Variants in ANGPTL2 observed in about 807,000 individuals in gnomAD.
ANGPTL2 encodes angiopoietin-related protein 2.
In ANGPTL2, 25 loss-of-function variants were observed where a neutral mutation model predicts 52.8. The observed-to-expected ratio is 0.47, with a 90% CI of 0.35 to 0.66. The LOEUF is 0.66. Ranked by LOEUF, ANGPTL2 falls within the 30% of genes least tolerant of loss-of-function variation. ANGPTL2 has a pLI of 0.01. For missense variants in ANGPTL2, 546 were observed against 656.9 expected (o/e 0.83, Z 1.84); for synonymous variants, 276 against 277.4 (o/e 1.00, Z 0.05).
In ANGPTL2 at chr9:127,088,852, G is replaced by T; in HGVS notation, c.*87C>A. The T allele has an allele frequency of 6.8e-7, 1 of 1,472,572 alleles. No individual in the cohort carries two copies. The highest frequency in any genetic ancestry group is 9.5e-7 in the Non-Finnish European group (1 of 1,056,708). 91.2% of individuals were successfully genotyped at this position (1,472,572 alleles called of 1,614,324 possible). A position where few individuals can be genotyped will look rare whatever the true frequency, so the allele number is the denominator to read the frequency against. ...GGTCCTCCCAGCCTCAGGATGAACT[G>T]GTGAGGAGTTGTTCTTTGTGCTGTG... On this transcript the variant is annotated 3_prime_UTR_variant, in exon 5 of 5. Coordinates refer to ENST00000373425, the MANE Select transcript of ANGPTL2 (RefSeq NM_012098.3).
intron 2 of ANGPTL2, among the ~76,000 whole-genome samples, chr9:127,105,611 G>A (rs572622533): frequency 2.6e-5 from 4 of 152,186 alleles, no homozygotes; most frequent in Non-Finnish European, 4.4e-5. Flanking sequence ...AGGGCACTTA[G>A]CACACCAGGG....
At chr9:127,092,838 G>A (rs2052643934) in intron 3 of ANGPTL2, among the ~76,000 whole-genome samples, 1 of 152,072 alleles carries the variant, frequency 6.6e-6, no homozygotes, top group Non-Finnish European at 1.5e-5. Context: ...CAGGAGGTGG[G>A]GTGGGGGACA....
chr9:127,090,419 C>T (rs571473160), intron 4 of ANGPTL2, among the ~76,000 whole-genome samples: 1 of 152,358 alleles, frequency 6.6e-6, no homozygotes, highest in East Asian at 1.9e-4. Flanking sequence ...GAATGAGGGC[C>T]TGTTCCTCTT....
rs12554810 is a variant in ANGPTL2, at chr9:127,087,796, C to T, written c.*1143G>A. 2,751 of 152,306 alleles carry T rather than the reference C, an allele frequency of 0.018. 41 individuals are homozygous for T. Among genetic ancestry groups the T allele is most frequent in the Non-Finnish European group, 0.03 (2,071 of 68,020 alleles). 9.4% of individuals were successfully genotyped at this position (152,306 alleles called of 1,614,324 possible). A position where few individuals can be genotyped will look rare whatever the true frequency, so the allele number is the denominator to read the frequency against. On this transcript the variant is annotated 3_prime_UTR_variant, in exon 5 of 5. Transcript: ENST00000373425. ...ATGCGGACTCTAGTCAGCCTGAGAG[C>T]GTGGAATCTCTGGTCTGTAGCCATC... is the stretch of plus-strand genomic sequence containing the variant.
chr9:127,101,473 T>C (rs1401486510), intron 2 of ANGPTL2, among the ~76,000 whole-genome samples: 1 of 152,168 alleles, frequency 6.6e-6, no homozygotes, highest in Non-Finnish European at 1.5e-5. Context: ...CCTCCCTCCA[T>C]CCTTCAATCC....
rs114567407 is a variant in ANGPTL2 at position 127,114,693 on chromosome 9, G to A, written c.-49-5913C>T. On this transcript the variant is annotated intron_variant, in intron 1 of 4. Coordinates refer to ENST00000373425, the MANE Select transcript of ANGPTL2 (RefSeq NM_012098.3). ...TGATCACAGATGAAGGCCAATAATG[G>A]GTCCACGCCATAAGAGGCATCCCAG... Among the ~76,000 whole-genome samples, 1,125 of 152,332 alleles carry A rather than the reference G, an allele frequency of 7.4e-3. 12 individuals carry two copies. The highest frequency in any genetic ancestry group is 0.025 in the African/African-American group (1,059 of 41,570).
In ANGPTL2 at chr9:127,108,719, A is replaced by G; in HGVS notation, c.13T>C (p.Cys5Arg). Reference sequence around the variant, plus strand: ...AGTCCGAGCCACCAGCATGTCACGCACAGTGGCCTCATGGTCCTTGCAAAA... The same window carrying G: ...AGTCCGAGCCACCAGCATGTCACGCGCAGTGGCCTCATGGTCCTTGCAAAA... MRPL[C>R]VTCWWLGLLA... Residue 5 changes from cysteine to arginine, a missense_variant, in exon 2 of 5, where the codon TGC becomes CGC. Cys to Arg is a radical substitution (Grantham distance 180). This residue lies in a region of ANGPTL2 where 285 missense variants were observed against 295.8 expected (regional missense o/e 0.96). Coordinates refer to ENST00000373425, the MANE Select transcript of ANGPTL2 (RefSeq NM_012098.3). 6.2e-7 allele frequency: 1 copy of G among 1,607,480 alleles called. No individual in the cohort carries two copies. Among genetic ancestry groups the G allele is most frequent in the Non-Finnish European group, 8.5e-7 (1 of 1,175,544 alleles).
At chr9:127,106,506 A>G (rs1218578667) in intron 2 of ANGPTL2, among the ~76,000 whole-genome samples, 1 of 152,230 alleles carries the variant, frequency 6.6e-6, no homozygotes, top group African/African-American at 2.4e-5. Flanking sequence ...GACAGGCACT[A>G]TTTTAATCTA....
intron 3 of ANGPTL2, among the ~76,000 whole-genome samples, chr9:127,093,034 C>T (rs905540437): frequency 2.0e-5 from 3 of 152,096 alleles, no homozygotes; most frequent in African/African-American, 7.2e-5. Context: ...CATAACAGAA[C>T]CTCCCTCAGG....
rs749404884 is a variant in ANGPTL2, at chr9:127,091,929, C to T, written c.1023G>A (p.Gly341=). Residue 341 remains glycine, a synonymous_variant, in exon 4 of 5, where the codon GGG becomes GGA. Coordinates refer to ENST00000373425, the MANE Select transcript of ANGPTL2 (RefSeq NM_012098.3). This position sits in a 1 kb window ranked among gnomAD's most constrained non-coding sequence, Gnocchi z 4.3. Reference sequence around the variant, plus strand: ...CCAGCCAGTATTCGCCGTCAATGTTCCCAAACCCTTGCTGGGGAAAACCCA... The same window carrying T: ...CCAGCCAGTATTCGCCGTCAATGTTTCCAAACCCTTGCTGGGGAAAACCCA... ...RNWETYKQGF[G]NIDGEYWLGL... is the part of the protein sequence containing the mutation. 1.9e-6 allele frequency: 3 copies of T among 1,613,768 alleles called. No homozygotes were observed. The highest frequency in any genetic ancestry group is 1.6e-4 in the Middle Eastern group (1 of 6,074).
chr9:127,091,953 C>T lies in ANGPTL2; in HGVS notation c.1012-13G>A. Reference sequence around the variant, plus strand: ...TCCCAAACCCTTGCTGGGGAAAACCCAGGAGAGTGTTAATGTGGAGCCTGC... The same window carrying T: ...TCCCAAACCCTTGCTGGGGAAAACCTAGGAGAGTGTTAATGTGGAGCCTGC... On this transcript the variant is annotated splice_polypyrimidine_tract_variant and intron_variant, in intron 3 of 4. Transcript: ENST00000373425. This position sits in a 1 kb window ranked among gnomAD's most constrained non-coding sequence, Gnocchi z 4.3. The T allele has an allele frequency of 6.2e-7, 1 of 1,612,644 alleles. No homozygotes were observed. The highest frequency in any genetic ancestry group is 1.1e-5 in the South Asian group (1 of 90,978).
Position 127,117,679 on chromosome 9 carries a change from G to C in ANGPTL2, c.-50+4636C>G, listed in dbSNP as rs139244292. Reference sequence around the variant, plus strand: ...GGGGTAGAGAAGCTTGTTTGCTTGAGAGCCTGGGCCTGAGGCTTGCTTCAT... The same window carrying C: ...GGGGTAGAGAAGCTTGTTTGCTTGACAGCCTGGGCCTGAGGCTTGCTTCAT... On this transcript the variant is annotated intron_variant, in intron 1 of 4. Transcript: ENST00000373425. Among the ~76,000 whole-genome samples the C allele has an allele frequency of 1.1e-3, 173 of 152,358 alleles. 1 individual carries two copies. The highest frequency in any genetic ancestry group is 6.0e-3 in the East Asian group (31 of 5,192).
chr9:127,118,835 T>C (rs1378190720), intron 1 of ANGPTL2, among the ~76,000 whole-genome samples: 1 of 152,246 alleles, frequency 6.6e-6, no homozygotes, highest in Non-Finnish European at 1.5e-5. Flanking sequence ...TTGCTGAATG[T>C]ACCTGCTTTG....
Position 127,093,799 on chromosome 9 carries a change from G to A in ANGPTL2, c.945C>T (p.Gly315=), listed in dbSNP as rs761488157. 6.2e-7 allele frequency: 1 copy of A among 1,614,060 alleles called. No homozygotes were observed. The highest frequency in any genetic ancestry group is 2.2e-5 in the East Asian group (1 of 44,854). ...VWCDQRHDPG[G]WTVIQRRLDG... ...CCAGGCGTCTCTGGATGACGGTCCAGCCCCCGGGGTCGTGTCTCTGGTCGC... is the reference window on the plus strand; with the variant it reads ...CCAGGCGTCTCTGGATGACGGTCCAACCCCCGGGGTCGTGTCTCTGGTCGC... The change falls in exon 3 of 5, where the codon GGC becomes GGT. Residue 315 remains glycine, a synonymous_variant. Coordinates refer to ENST00000373425, the MANE Select transcript of ANGPTL2 (RefSeq NM_012098.3).
Position 127,122,159 on chromosome 9 carries a change from T to C in ANGPTL2, c.-50+156A>G, listed in dbSNP as rs1050383571. ...ATGTCCACAGGTTCTGCCCCGGACATGCCTCGTTTGGCTCCAAGCGATAGC... is the reference window on the plus strand; with the variant it reads ...ATGTCCACAGGTTCTGCCCCGGACACGCCTCGTTTGGCTCCAAGCGATAGC... On this transcript the variant is annotated intron_variant, in intron 1 of 4. Transcript: ENST00000373425. This position sits in a 1 kb window ranked among gnomAD's most constrained non-coding sequence, Gnocchi z 6.4. Among the ~76,000 whole-genome samples, 8 of 152,260 alleles carry C rather than the reference T, an allele frequency of 5.3e-5. No individual in the cohort carries two copies. The highest frequency in any genetic ancestry group is 1.7e-4 in the African/African-American group (7 of 41,544).
At chr9:127,106,690 T>G (rs140475424) in intron 2 of ANGPTL2, among the ~76,000 whole-genome samples, 73 of 152,326 alleles carry the variant, frequency 4.8e-4, no homozygotes, top group African/African-American at 1.7e-3. Context: ...CTGCAGTGGA[T>G]GCTCACTTTG....
intron 4 of ANGPTL2, among the ~76,000 whole-genome samples, chr9:127,090,258 G>A (rs2052305051): frequency 6.6e-6 from 1 of 152,236 alleles, no homozygotes; most frequent in Non-Finnish European, 1.5e-5. Flanking sequence ...GGCTAGATCT[G>A]AGTTTGGATC....
At chr9:127,100,623 G>A (rs186433877) in intron 2 of ANGPTL2, among the ~76,000 whole-genome samples, 3 of 152,324 alleles carry the variant, frequency 2.0e-5, no homozygotes, top group Admixed American at 2.0e-4. Context: ...GGTCTCTGAT[G>A]TAGAGGTGGG....
intron 2 of ANGPTL2, among the ~76,000 whole-genome samples, chr9:127,098,633 G>A (rs553472213): frequency 6.6e-6 from 1 of 152,264 alleles, no homozygotes; most frequent in South Asian, 2.1e-4. Flanking sequence ...CCATACCCTG[G>A]TAAGTGTTGG....
Sources: gnomAD v4.1 joint callset for allele counts (sites outside exome capture counted in the v4.1 genomes callset) on GRCh38, gnomAD v4.1.1 for gene constraint, gnomAD v4.1.1 regional missense constraint, Gnocchi (gnomAD v3.1) non-coding constraint, MANE v1.5 for transcripts, NCBI Gene and HGNC (gene_info 2026-07-23, HGNC 2026-07-21) for gene names.